EGFR: variants seen among roughly 807,000 people sequenced by gnomAD.
The protein encoded by EGFR is epidermal growth factor receptor.
Under a neutral mutation model 143.0 loss-of-function variants are expected in EGFR, and 58 were observed. That is an observed-to-expected ratio of 0.41 (90% CI 0.33 to 0.50). The LOEUF (loss-of-function observed/expected upper bound fraction) is 0.50. Ranked by LOEUF, EGFR falls within the 20% of genes least tolerant of loss-of-function variation. The pLI is 0.39. For synonymous variants in EGFR, 613 were observed against 594.4 expected, an observed-to-expected ratio of 1.03 and a Z score of -0.45; for missense variants, 1,307 against 1,579.0, an observed-to-expected ratio of 0.83 and a Z score of 2.92.
At chr7:55,115,401 A>G (rs1584077353) in intron 1 of EGFR, among the ~76,000 whole-genome samples, 1 of 152,316 alleles carries the variant, frequency 6.6e-6, no homozygotes, top group Middle Eastern at 3.4e-3. Flanking sequence ...TGCCTACACA[A>G]ACTAAATATT....
At chr7:55,181,997 C>G (rs1786901424) in intron 20 of EGFR, 1 of 207,808 alleles carries the variant, frequency 4.8e-6, no homozygotes. Flanking sequence ...CCCCTTTCCA[C>G]AGGCTCGCTC....
At chr7:55,184,508 C>T (rs1017171576) in intron 20 of EGFR, among the ~76,000 whole-genome samples, 1 of 152,142 alleles carries the variant, frequency 6.6e-6, no homozygotes, top group African/African-American at 2.4e-5. Flanking sequence ...TAATAGTGTC[C>T]ATTACAGAGA....
chr7:55,203,350 C>T (rs531165596), intron 27 of EGFR, among the ~76,000 whole-genome samples: 17 of 141,804 alleles, frequency 1.2e-4, no homozygotes, highest in Non-Finnish European at 2.2e-4. Context: ...CACATATATA[C>T]ACACATACAC....
chr7:55,177,190 C>A (rs928272680), intron 19 of EGFR, among the ~76,000 whole-genome samples: 3 of 152,082 alleles, frequency 2.0e-5, no homozygotes, highest in Admixed American at 6.5e-5. Context: ...GTTTGTCCTG[C>A]AGCTCAGGCT....
At chr7:55,193,862 T>C (rs1426078875) in intron 22 of EGFR, among the ~76,000 whole-genome samples, 3 of 152,232 alleles carry the variant, frequency 2.0e-5, no homozygotes, top group South Asian at 4.1e-4. Flanking sequence ...TCCAAATACA[T>C]ACACATTTTT....
At chr7:55,074,397 A>G (rs372037595) in intron 1 of EGFR, among the ~76,000 whole-genome samples, 2 of 152,240 alleles carry the variant, frequency 1.3e-5, no homozygotes, top group East Asian at 1.9e-4. Context: ...AAGTTATGAC[A>G]ATGTAATCAA....
In EGFR at chr7:55,029,878, T is replaced by C. The variant is rs139530974; in HGVS notation, c.88+10513T>C. ...AAAACAAATCTAAATGTATGCAAGATATGTATTTAAACATGCTGGTAATAA... is the reference window on the plus strand; with the variant it reads ...AAAACAAATCTAAATGTATGCAAGACATGTATTTAAACATGCTGGTAATAA... On this transcript the variant is annotated intron_variant, in intron 1 of 27. Transcript: ENST00000275493. 5.7e-3 allele frequency among the ~76,000 whole-genome samples: 873 copies of C among 152,340 alleles called. 6 individuals are homozygous for C. Among genetic ancestry groups the C allele is most frequent in the South Asian group, 0.031 (148 of 4,832 alleles).
rs1001476056 is a variant in EGFR, at chr7:55,142,328, T to C, written c.131T>C (p.Phe44Ser). The C allele has an allele frequency of 2.5e-6, 4 of 1,614,132 alleles. No individual in the cohort carries two copies. Among genetic ancestry groups the C allele is most frequent in the Non-Finnish European group, 3.4e-6 (4 of 1,180,054 alleles). Reference sequence around the variant, plus strand: ...AACAAGCTCACGCAGTTGGGCACTTTTGAAGATCATTTTCTCAGCCTCCAG... The same window carrying C: ...AACAAGCTCACGCAGTTGGGCACTTCTGAAGATCATTTTCTCAGCCTCCAG... Reference protein sequence around the residue: ...TSNKLTQLGTFEDHFLSLQRM... With the variant: ...TSNKLTQLGTSEDHFLSLQRM... The change falls in exon 2 of 28, where the codon TTT becomes TCT. Residue 44 changes from phenylalanine to serine, a missense_variant. Transcript: ENST00000275493.
rs117494232 is a variant in EGFR, at chr7:55,027,195, A to G, written c.88+7830A>G. On this transcript the variant is annotated intron_variant, in intron 1 of 27. Transcript: ENST00000275493. The stretch of plus-strand genomic sequence containing the variant: ...GGGCTGAGAAAGAGAGACACATACA[A>G]GATCACTCCCTGTAATGCAATGTTT... 2.0e-4 allele frequency among the ~76,000 whole-genome samples: 30 copies of G among 152,344 alleles called. No individual in the cohort carries two copies. The East Asian group carries it at 5.8e-3, about 29-fold the overall frequency.
chr7:55,181,107 C>T, intron 19 of EGFR, 186 bp from the exon 20 acceptor site: 1 of 715,742 alleles, frequency 1.4e-6, no homozygotes, highest in African/African-American at 1.8e-5. Flanking sequence ...CCCACTGCAT[C>T]TGTCACTTCA....
chr7:55,187,817 G>A (rs574917788), intron 20 of EGFR, among the ~76,000 whole-genome samples: 70 of 152,306 alleles, frequency 4.6e-4, no homozygotes, highest in African/African-American at 1.5e-3. Flanking sequence ...TCTCTGGGGT[G>A]GGGCTGCCCT....
intron 1 of EGFR, among the ~76,000 whole-genome samples, chr7:55,081,686 A>G (rs1436259327): frequency 2.0e-5 from 3 of 151,186 alleles, no homozygotes; most frequent in Non-Finnish European, 4.4e-5. Context: ...ACAATTCATC[A>G]GTGTCTGTGA....
intron 1 of EGFR, among the ~76,000 whole-genome samples, chr7:55,112,073 C>T (rs1398238263): frequency 2.0e-5 from 3 of 152,260 alleles, no homozygotes; most frequent in Admixed American, 6.5e-5. Context: ...TCACCCACGA[C>T]GCCCTCACTA....
chr7:55,101,367 TTC>T (rs1466340671), intron 1 of EGFR, among the ~76,000 whole-genome samples: 3 of 152,352 alleles, frequency 2.0e-5, no homozygotes, highest in African/African-American at 7.2e-5. Context: ...TTTCCCCGTG[TTC>T]TTTCTGTCGC....
intron 1 of EGFR, among the ~76,000 whole-genome samples, chr7:55,088,395 A>G (rs1272592158): frequency 6.6e-6 from 1 of 152,224 alleles, no homozygotes; most frequent in Non-Finnish European, 1.5e-5. Context: ...CAGTACCTCC[A>G]TGTTCATGGA....
chr7:55,164,671 C>T (rs1462365869), intron 14 of EGFR, among the ~76,000 whole-genome samples: 1 of 152,206 alleles, frequency 6.6e-6, no homozygotes, highest in Non-Finnish European at 1.5e-5. Flanking sequence ...GAAAGCCTTT[C>T]CCTGCTGGTT....
At chr7:55,191,213 A>G (rs1302440512) in intron 20 of EGFR, among the ~76,000 whole-genome samples, 4 of 152,102 alleles carry the variant, frequency 2.6e-5, no homozygotes, top group Non-Finnish European at 5.9e-5. Context: ...ATAATAATAA[A>G]CCAGTGAAAA....
intron 1 of EGFR, among the ~76,000 whole-genome samples, chr7:55,138,009 A>G (rs919476936): frequency 2.0e-5 from 3 of 152,150 alleles, no homozygotes; most frequent in African/African-American, 7.2e-5. Flanking sequence ...CTAATATTGA[A>G]CTCTGGTTAG....
intron 19 of EGFR, chr7:55,180,184 G>A (rs1786796589): frequency 6.6e-6 from 1 of 152,260 alleles, no homozygotes; most frequent in Admixed American, 6.5e-5. Context: ...TCAAAACATA[G>A]GCATTGCTGA....
Sources: gnomAD v4.1 joint callset for allele counts (sites outside exome capture counted in the v4.1 genomes callset) on GRCh38, gnomAD v4.1.1 for gene constraint, MANE v1.5 for transcripts, NCBI Gene and HGNC (gene_info 2026-07-23, HGNC 2026-07-21) for gene names.